AGAP4: variants seen among roughly 807,000 people sequenced by gnomAD.
The protein encoded by AGAP4 is arf-GAP with GTPase, ANK repeat and PH domain-containing protein 4.
AGAP4 carries 13 observed loss-of-function variants against 60.7 expected under a neutral mutation model. That is an observed-to-expected ratio of 0.21 (90% CI 0.14 to 0.34). The LOEUF is 0.34. Ranked by LOEUF, AGAP4 falls within the 10% of genes least tolerant of loss-of-function variation. The pLI is 1.00. For synonymous variants in AGAP4, 70 were observed against 339.0 expected, an observed-to-expected ratio of 0.21 and a Z score of 8.72; for missense variants, 169 against 884.0, an observed-to-expected ratio of 0.19 and a Z score of 10.26.
upstream of AGAP4, chr10:45,847,722 C>G (rs2135969236): frequency 8.3e-7 from 1 of 1,202,278 alleles, no homozygotes. Flanking sequence ...CCCACTGGCC[C>G]CAGGTGGGAG....
upstream of AGAP4, among the ~76,000 whole-genome samples, chr10:45,850,917 CAT>C (rs1273842952): frequency 1.3e-5 from 2 of 152,018 alleles, no homozygotes; most frequent in East Asian, 3.9e-4. Context: ...GACATCCCAA[CAT>C]ATGTTTTCAA....
upstream of AGAP4, among the ~76,000 whole-genome samples, chr10:45,849,759 G>C (rs1306259224): frequency 6.0e-5 from 9 of 150,614 alleles, no homozygotes; most frequent in African/African-American, 2.2e-4. Context: ...TCCTGCCTCA[G>C]CCTCCCAAGT....
At chr10:45,838,799 C>G (rs1379721724) in intron 4 of AGAP4, among the ~76,000 whole-genome samples, 1 of 151,690 alleles carries the variant, frequency 6.6e-6, no homozygotes, top group South Asian at 2.1e-4. Flanking sequence ...TAAAAATGAA[C>G]AAATCTTAAT....
rs2058730795 is a variant in AGAP4, at chr10:45,831,450, A to G, written c.498-21T>C. ...TCACACTGTGGAAGGAAAAAAATTC[A>G]TAACAATAGATGTTAACATTTGTTA... On this transcript the variant is annotated intron_variant, in intron 5 of 7. Transcript: ENST00000616763. 5 of 1,588,238 alleles carry G rather than the reference A, an allele frequency of 3.1e-6. 1 individual carries two copies. Among genetic ancestry groups the G allele is most frequent in the African/African-American group, 1.4e-5 (1 of 74,064 alleles).
upstream of AGAP4, among the ~76,000 whole-genome samples, chr10:45,849,339 C>T (rs1487887047): frequency 1.3e-5 from 2 of 151,744 alleles, no homozygotes. Flanking sequence ...CTAGGCCCCT[C>T]CCTCGACACA....
chr10:45,838,052 A>C (rs2058851853), intron 4 of AGAP4, among the ~76,000 whole-genome samples: 1 of 151,014 alleles, frequency 6.6e-6, no homozygotes, highest in African/African-American at 2.5e-5. Flanking sequence ...TCAATCAATG[A>C]GTGGATAAAG....
intron 6 of AGAP4, among the ~76,000 whole-genome samples, chr10:45,829,312 G>A (rs2058693746): frequency 7.8e-6 from 1 of 128,798 alleles, no homozygotes; most frequent in Admixed American, 7.6e-5. Context: ...CTGAATAAGT[G>A]GAAAGTTAAC....
At chr10:45,841,839 G>A (rs1484693104) in intron 3 of AGAP4, 152 bp from the exon 4 acceptor site, 7 of 634,988 alleles carry the variant, frequency 1.1e-5, no homozygotes, top group Non-Finnish European at 1.7e-5. Flanking sequence ...AAATTATCTG[G>A]CATGATTAAT....
intron 6 of AGAP4, among the ~76,000 whole-genome samples, chr10:45,830,062 C>T (rs1173860506): frequency 6.8e-6 from 1 of 147,792 alleles, no homozygotes; most frequent in African/African-American, 2.5e-5. Context: ...AAGAAACCAC[C>T]ACTTGTGAAG....
upstream of AGAP4, among the ~76,000 whole-genome samples, chr10:45,849,909 G>C (rs2135974620): frequency 6.6e-6 from 1 of 151,254 alleles, no homozygotes; most frequent in East Asian, 2.0e-4. Context: ...TGCCCAGCCA[G>C]ATTCGTATAT....
At chr10:45,831,826 A>T (rs2058736292) in intron 5 of AGAP4, among the ~76,000 whole-genome samples, 1 of 134,272 alleles carries the variant, frequency 7.4e-6, no homozygotes, top group South Asian at 2.6e-4. Context: ...CACAACCTCC[A>T]CCACCCAGGT....
upstream of AGAP4, among the ~76,000 whole-genome samples, chr10:45,850,498 G>C (rs75295387): frequency 0.094 from 14,187 of 151,400 alleles, 619 homozygotes; most frequent in Non-Finnish European, 0.13. Context: ...TTCAGTCATT[G>C]AACCATGAAA....
In AGAP4 at chr10:45,832,019, C is replaced by A. The variant is rs1554897218; in HGVS notation, c.498-590G>T. On this transcript the variant is annotated intron_variant, in intron 5 of 7. Coordinates refer to ENST00000616763, the MANE Select transcript of AGAP4 (RefSeq NM_001276343.3). ...CTGCCTCCCAGGTTCAAGAGATTCT[C>A]CTGCCTCAGCCTCCCAAGTGGCTGG... Among the ~76,000 whole-genome samples the A allele has an allele frequency of 1.5e-5, 2 of 137,288 alleles. 1 individual carries two copies. Among genetic ancestry groups the A allele is most frequent in the Non-Finnish European group, 3.2e-5 (2 of 62,284 alleles). 90.1% of individuals were successfully genotyped at this position (137,288 alleles called of 152,430 possible). A position where few individuals can be genotyped will look rare whatever the true frequency, so the allele number is the denominator to read the frequency against.
chr10:45,846,461 A>G (rs1359360592), intron 2 of AGAP4, among the ~76,000 whole-genome samples: 3 of 151,894 alleles, frequency 2.0e-5, no homozygotes, highest in Non-Finnish European at 4.4e-5. Context: ...AAATATTTGA[A>G]TAGGAACTGT....
exon 1 of AGAP4, chr10:45,853,738 C>T (rs2059110455): frequency 7.8e-7 from 1 of 1,287,986 alleles, no homozygotes; most frequent in Non-Finnish European, 1.0e-6. Flanking sequence ...CAGCAGCCAA[C>T]AGGTCTGGAG....
In AGAP4 at chr10:45,841,367, G is replaced by A. The variant is rs1228306872; in HGVS notation, c.396+286C>T. Among the ~76,000 whole-genome samples the A allele has an allele frequency of 2.0e-5, 3 of 148,398 alleles. No individual in the cohort carries two copies. The East Asian group carries it at 6.1e-4, about 30-fold the overall frequency. On this transcript the variant is annotated intron_variant, in intron 4 of 7. Coordinates refer to ENST00000616763, the MANE Select transcript of AGAP4 (RefSeq NM_001276343.3). The stretch of plus-strand genomic sequence containing the variant: ...TCAGCCTGCCTCGGCCTCCTAAAGT[G>A]TTGTGATTACAGACGTTAGCCACCA...
At chr10:45,852,628 C>T (rs2059099143) in intron 1 of AGAP4, among the ~76,000 whole-genome samples, 1 of 151,450 alleles carries the variant, frequency 6.6e-6, no homozygotes, top group African/African-American at 2.4e-5. Flanking sequence ...AGGGATGATT[C>T]ATATTTAATT....
intron 2 of AGAP4, 129 bp from the exon 3 acceptor site, chr10:45,844,523 T>C (rs1225053465): frequency 2.2e-5 from 33 of 1,479,638 alleles, no homozygotes; most frequent in Admixed American, 4.4e-5. Flanking sequence ...TTGAAATGAA[T>C]GTATAGACAT....
chr10:45,830,271 C>T, intron 6 of AGAP4, among the ~76,000 whole-genome samples: 1 of 142,730 alleles, frequency 7.0e-6, no homozygotes, highest in Non-Finnish European at 1.5e-5. Context: ...CTCCCAGGCT[C>T]AAGCGATTCT....
Sources: gnomAD v4.1 joint callset for allele counts (sites outside exome capture counted in the v4.1 genomes callset) on GRCh38, gnomAD v4.1.1 for gene constraint, MANE v1.5 for transcripts, NCBI Gene and HGNC (gene_info 2026-07-23, HGNC 2026-07-21) for gene names.